The following CHSY1 variants were observed in gnomAD, a reference collection of about 807,000 sequenced individuals.
CHSY1 encodes N-acetylgalactosaminyl-proteoglycan 3-beta-glucuronosyltransferase 1.
CHSY1 carries 13 observed loss-of-function variants against 59.8 expected under a neutral mutation model. The ratio of observed to expected loss-of-function variants is 0.22; its 90% CI spans 0.14 to 0.35. CHSY1 has a LOEUF of 0.35. Ranked by LOEUF, CHSY1 falls within the 10% of genes least tolerant of loss-of-function variation. The pLI, the probability that CHSY1 is intolerant of heterozygous loss-of-function variation, is 1.00. For synonymous variants in CHSY1, 459 were observed against 401.2 expected, an observed-to-expected ratio of 1.14 and a Z score of -1.72; for missense variants, 947 against 1,030.6, an observed-to-expected ratio of 0.92 and a Z score of 1.11.
At chr15:101,189,430 G>T in intron 2 of CHSY1, 1 of 985,440 alleles carries the variant, frequency 1.0e-6, no homozygotes, top group East Asian at 1.1e-4. Context: ...AAACTTACAG[G>T]GACAAGGTGG....
intron 2 of CHSY1, among the ~76,000 whole-genome samples, chr15:101,210,603 T>G (rs2038673358): frequency 6.6e-6 from 1 of 152,186 alleles, no homozygotes; most frequent in Admixed American, 6.5e-5. Flanking sequence ...GAACTGCATC[T>G]TAAGAGCAGG....
At chr15:101,199,422 G>C (rs1342728507) in intron 2 of CHSY1, among the ~76,000 whole-genome samples, 2 of 152,220 alleles carry the variant, frequency 1.3e-5, no homozygotes, top group African/African-American at 2.4e-5. Flanking sequence ...AGAATCGCTT[G>C]AACCCAGGAG....
intron 2 of CHSY1, among the ~76,000 whole-genome samples, chr15:101,207,869 G>C (rs1330869600): frequency 6.6e-6 from 1 of 152,180 alleles, no homozygotes; most frequent in African/African-American, 2.4e-5. Flanking sequence ...CCACTAGTGG[G>C]GTCAAGCAAG....
intron 1 of CHSY1, among the ~76,000 whole-genome samples, chr15:101,237,222 TAA>T (rs56731913): frequency 0.35 from 19,812 of 56,192 alleles, 2,193 homozygotes; most frequent in African/African-American, 0.53. Flanking sequence ...AGACTCCATC[TAA>T]AAAAAAAAAA....
rs144407011 is a variant in CHSY1 at position 101,183,755 on chromosome 15, C to T, written c.817-4775G>A. Among the ~76,000 whole-genome samples, 874 of 152,314 alleles carry T rather than the reference C, an allele frequency of 5.7e-3. 4 individuals are homozygous for T. Among genetic ancestry groups the T allele is most frequent in the Middle Eastern group, 0.01 (3 of 294 alleles). ...TGTGGGTGCCCACTGCCTCCATCTC[C>T]AGAGTCCAGCTCAGTGCTTGACACA... On this transcript the variant is annotated intron_variant, in intron 2 of 2. Transcript: ENST00000254190.
intron 2 of CHSY1, among the ~76,000 whole-genome samples, chr15:101,198,077 G>A (rs1217601824): frequency 1.3e-5 from 2 of 151,868 alleles, no homozygotes; most frequent in East Asian, 1.9e-4. Context: ...TCCGGCTATC[G>A]GGCCTTCTGT....
chr15:101,203,985 T>C lies in CHSY1; in HGVS notation c.817-25005A>G, dbSNP rs138797037. The stretch of plus-strand genomic sequence containing the variant: ...CAACTGACAGAATATGACTAAACTC[T>C]GTAGATTACATAACTGTGCTGTATC... On this transcript the variant is annotated intron_variant, in intron 2 of 2. Transcript: ENST00000254190. 2.0e-5 allele frequency among the ~76,000 whole-genome samples: 3 copies of C among 152,366 alleles called. No individual in the cohort carries two copies. In the East Asian group the frequency reaches 5.8e-4, roughly 29 times the overall value.
chr15:101,239,469 C>G (rs1269659262), intron 1 of CHSY1, among the ~76,000 whole-genome samples: 1 of 152,256 alleles, frequency 6.6e-6, no homozygotes, highest in Admixed American at 6.5e-5. Context: ...TCCAGCTCCA[C>G]TTGGGACAAG....
Position 101,178,200 on chromosome 15 carries a change from T to G in CHSY1, c.1597A>C (p.Lys533Gln). Residue 533 changes from lysine (K) to glutamine (Q), a missense_variant, in exon 3 of 3, where the codon AAG becomes CAG. This residue lies in a region of CHSY1 where 602 missense variants were observed against 676.9 expected (regional missense o/e 0.89). Coordinates refer to ENST00000254190, the MANE Select transcript of CHSY1 (RefSeq NM_014918.5). ...GACAAAGGAATCAGTATGTTTATCTTTTTATCTTTGGGTTCTTTGTGCTCA... is the reference window on the plus strand; with the variant it reads ...GACAAAGGAATCAGTATGTTTATCTGTTTATCTTTGGGTTCTTTGTGCTCA... The part of the protein sequence containing the change: ...KSEHKEPKDK[K>Q]INILIPLSGR... 4 of 1,614,198 alleles carry G rather than the reference T, an allele frequency of 2.5e-6. No individual in the cohort carries two copies. The highest frequency in any genetic ancestry group is 3.4e-6 in the Non-Finnish European group (4 of 1,180,048).
At chr15:101,241,970 C>T (rs8031074) in intron 1 of CHSY1, among the ~76,000 whole-genome samples, 47,589 of 151,914 alleles carry the variant, frequency 0.31, 10,283 homozygotes, top group African/African-American at 0.62. Flanking sequence ...CTAGATTACT[C>T]ATAATACCTA....
chr15:101,223,046 T>A (rs1263701548), intron 2 of CHSY1, among the ~76,000 whole-genome samples: 1 of 152,242 alleles, frequency 6.6e-6, no homozygotes, highest in Non-Finnish European at 1.5e-5. Flanking sequence ...CAGGCTGTAG[T>A]GCAGTGGCGC....
chr15:101,179,195 C>T (rs1032827023), intron 2 of CHSY1, among the ~76,000 whole-genome samples: 1 of 152,146 alleles, frequency 6.6e-6, no homozygotes, highest in African/African-American at 2.4e-5. Context: ...CAAAGTTGGC[C>T]AATATACTTT....
At chr15:101,195,213 A>T (rs548615256) in intron 2 of CHSY1, among the ~76,000 whole-genome samples, 1 of 152,346 alleles carries the variant, frequency 6.6e-6, no homozygotes, top group South Asian at 2.1e-4. Context: ...CTAATGCAAC[A>T]TATTCACATA....
At chr15:101,204,836 C>T (rs9888679) in intron 2 of CHSY1, among the ~76,000 whole-genome samples, 54,674 of 152,014 alleles carry the variant, frequency 0.36, 11,873 homozygotes, top group African/African-American at 0.62. Flanking sequence ...ACCCAGGAGC[C>T]GAAAGTTGCA....
Position 101,235,369 on chromosome 15 carries a change from T to C in CHSY1, c.529A>G (p.Lys177Glu). Residue 177 changes from lysine (K) to glutamate (E), a missense_variant, in exon 2 of 3, where the codon AAA becomes GAA. Around this residue, in one of 4 missense-constraint regions of CHSY1, gnomAD observed 108 missense variants for 144.4 expected, o/e 0.75. Coordinates refer to ENST00000254190, the MANE Select transcript of CHSY1 (RefSeq NM_014918.5). Reference protein sequence around the residue: ...FMRADDDVYIKGDRLENFLRS... With the variant: ...FMRADDDVYIEGDRLENFLRS... ...AGGAAGTTCTCCAGACGGTCTCCTT[T>C]GATGTACACGTCATCATCTGCTCTC... 6.2e-7 allele frequency: 1 copy of C among 1,614,182 alleles called. No individual in the cohort carries two copies. The highest frequency in any genetic ancestry group is 8.5e-7 in the Non-Finnish European group (1 of 1,180,030).
chr15:101,221,089 T>C (rs1406855808), intron 2 of CHSY1, among the ~76,000 whole-genome samples: 1 of 152,150 alleles, frequency 6.6e-6, no homozygotes, highest in Non-Finnish European at 1.5e-5. Flanking sequence ...GACATCCCCA[T>C]AGAGAAACAA....
intron 2 of CHSY1, among the ~76,000 whole-genome samples, chr15:101,179,713 G>A (rs1428077418): frequency 6.6e-6 from 1 of 152,228 alleles, no homozygotes; most frequent in Non-Finnish European, 1.5e-5. Flanking sequence ...CTTGGTGCCT[G>A]GGGGATCAGA....
chr15:101,210,675 A>G (rs779954650), intron 2 of CHSY1, among the ~76,000 whole-genome samples: 7 of 152,228 alleles, frequency 4.6e-5, no homozygotes, highest in South Asian at 2.1e-4. Flanking sequence ...ACTCAGCTCA[A>G]TATCTGATTG....
At chr15:101,247,128 A>T (rs1385643145) in intron 1 of CHSY1, among the ~76,000 whole-genome samples, 2 of 152,076 alleles carry the variant, frequency 1.3e-5, no homozygotes, top group Non-Finnish European at 2.9e-5. Flanking sequence ...TTTCTAATTC[A>T]CTCAGAATGA....
Sources: gnomAD v4.1 joint callset for allele counts (sites outside exome capture counted in the v4.1 genomes callset) on GRCh38, gnomAD v4.1.1 for gene constraint, gnomAD v4.1.1 regional missense constraint, MANE v1.5 for transcripts, NCBI Gene and HGNC (gene_info 2026-07-23, HGNC 2026-07-21) for gene names.